SRBD1: variants seen among roughly 807,000 people sequenced by gnomAD.
SRBD1 encodes S1 RNA binding domain 1.
A neutral mutation model predicts 115.3 loss-of-function variants in SRBD1; 88 were observed. The ratio of observed to expected loss-of-function variants is 0.76; its 90% CI spans 0.64 to 0.91. SRBD1 has a LOEUF of 0.91. Among genes scored for constraint, SRBD1 ranks in the 40% least tolerant of loss-of-function variants. The probability of loss-of-function intolerance (pLI) is 0.00; values close to 1 mark genes in which losing one functional copy is unlikely to be tolerated. For missense variants in SRBD1, 1,385 were observed against 1,177.4 expected, an observed-to-expected ratio of 1.18 and a Z score of -2.58; for synonymous variants, 509 against 407.7, an observed-to-expected ratio of 1.25 and a Z score of -2.99.
chr2:45,488,735 T>C (rs1670199119), intron 14 of SRBD1, among the ~76,000 whole-genome samples: 1 of 152,180 alleles, frequency 6.6e-6, no homozygotes. Context: ...GAATGAATCA[T>C]TCTAAGGCAC....
intron 16 of SRBD1, among the ~76,000 whole-genome samples, chr2:45,425,048 G>A (rs1463013731): frequency 6.6e-6 from 1 of 152,160 alleles, no homozygotes; most frequent in East Asian, 1.9e-4. Flanking sequence ...GAATTAACGA[G>A]TTCTGTACTT....
Position 45,489,014 on chromosome 2 carries a change from C to G in SRBD1, c.1875-683G>C, listed in dbSNP as rs185546416. Among the ~76,000 whole-genome samples the G allele has an allele frequency of 9.9e-5, 15 of 152,264 alleles. No homozygotes were observed. In the East Asian group the frequency reaches 2.9e-3, roughly 29 times the overall value. ...ATCAAATAGTCACACAAATCATTCT[C>G]TTTCATTCTCTTCCTTTCTTCTTTG... is the stretch of plus-strand genomic sequence containing the variant. On this transcript the variant is annotated intron_variant, in intron 14 of 20. Transcript: ENST00000263736.
At chr2:45,428,563 T>A (rs138888094) in intron 16 of SRBD1, among the ~76,000 whole-genome samples, 2,706 of 123,590 alleles carry the variant, frequency 0.022, 93 homozygotes, top group African/African-American at 0.071. Context: ...AAAAAATAAA[T>A]AAATAAATAA....
At chr2:45,409,311 C>T (rs1667527333) in intron 19 of SRBD1, among the ~76,000 whole-genome samples, 1 of 152,010 alleles carries the variant, frequency 6.6e-6, no homozygotes, top group East Asian at 1.9e-4. Flanking sequence ...ACGTACTCCT[C>T]AGAATTATTG....
chr2:45,493,534 G>C (rs1442511741), intron 14 of SRBD1, among the ~76,000 whole-genome samples: 1 of 152,182 alleles, frequency 6.6e-6, no homozygotes, highest in Non-Finnish European at 1.5e-5. Context: ...GGTAAGGCCA[G>C]GCACGGTGGC....
Position 45,547,601 on chromosome 2 carries a change from G to C in SRBD1, c.1687C>G (p.His563Asp). The change falls in exon 13 of 21, where the codon CAT becomes GAT. Residue 563 changes from histidine (H) to aspartate (D), a missense_variant. By Grantham distance (81) the His-to-Asp change is moderately conservative. Transcript: ENST00000263736. ...AIISPTSQIL[H>D]TDVVYLHCGQ... The stretch of plus-strand genomic sequence containing the variant: ...CAATGCAAGTAAACCACATCAGTAT[G>C]AAGTATCTGACCTTTAAAAAATGAA... 1 of 1,612,928 alleles carries C rather than the reference G, an allele frequency of 6.2e-7. No homozygotes were observed. The highest frequency in any genetic ancestry group is 1.1e-5 in the South Asian group (1 of 90,922).
chr2:45,502,377 C>G (rs1251767854), intron 14 of SRBD1, among the ~76,000 whole-genome samples: 1 of 152,170 alleles, frequency 6.6e-6, no homozygotes, highest in Admixed American at 6.5e-5. Context: ...AAGACACATG[C>G]ACATGTATGT....
chr2:45,514,903 C>T (rs1671074145), intron 14 of SRBD1, among the ~76,000 whole-genome samples: 1 of 152,180 alleles, frequency 6.6e-6, no homozygotes, highest in Non-Finnish European at 1.5e-5. Context: ...ACAAAAACTC[C>T]AAGTCTATCT....
At chr2:45,603,255 A>T (rs1674157612) in intron 2 of SRBD1, among the ~76,000 whole-genome samples, 1 of 152,218 alleles carries the variant, frequency 6.6e-6, no homozygotes, top group African/African-American at 2.4e-5. Context: ...GTTGTGTTAT[A>T]CATGATATAG....
At chr2:45,492,885 GCT>G (rs1670342694) in intron 14 of SRBD1, among the ~76,000 whole-genome samples, 1 of 151,980 alleles carries the variant, frequency 6.6e-6, no homozygotes, top group Admixed American at 6.6e-5. Context: ...TAAATTACAT[GCT>G]CTTTTATGTT....
At chr2:45,459,453 A>T (rs999195275) in intron 16 of SRBD1, among the ~76,000 whole-genome samples, 1 of 151,788 alleles carries the variant, frequency 6.6e-6, no homozygotes, top group Non-Finnish European at 1.5e-5. Flanking sequence ...AAAGGAATGA[A>T]CATGCTTATA....
chr2:45,505,635 G>T (rs1372479956), intron 14 of SRBD1, among the ~76,000 whole-genome samples: 2 of 152,172 alleles, frequency 1.3e-5, no homozygotes, highest in African/African-American at 4.8e-5. Context: ...AAGTAAATAA[G>T]ATGAATCTCC....
At chr2:45,553,111 A>G (rs1672355112) in intron 11 of SRBD1, among the ~76,000 whole-genome samples, 1 of 152,174 alleles carries the variant, frequency 6.6e-6, no homozygotes, top group African/African-American at 2.4e-5. Context: ...TTTTCTTTCC[A>G]TCTTCTGTCC....
chr2:45,573,057 G>C (rs1673069702), intron 9 of SRBD1, 150 bp downstream of exon 9: 1 of 851,256 alleles, frequency 1.2e-6, no homozygotes, highest in East Asian at 3.2e-5. Flanking sequence ...TTGTGAAGCG[G>C]CAAGGATATG....
At chr2:45,597,377 G>A (rs925401719) in intron 4 of SRBD1, among the ~76,000 whole-genome samples, 2 of 150,174 alleles carry the variant, frequency 1.3e-5, no homozygotes, top group African/African-American at 2.5e-5. Context: ...CCAAGATCGC[G>A]CCACTGTACT....
intron 16 of SRBD1, among the ~76,000 whole-genome samples, chr2:45,441,401 C>T (rs1466356718): frequency 6.6e-6 from 1 of 152,234 alleles, no homozygotes; most frequent in Non-Finnish European, 1.5e-5. Context: ...ACCTGATGCA[C>T]ACAGGTGTGT....
chr2:45,521,417 A>T (rs1227600305), intron 14 of SRBD1, among the ~76,000 whole-genome samples: 1 of 151,980 alleles, frequency 6.6e-6, no homozygotes, highest in Non-Finnish European at 1.5e-5. Flanking sequence ...TCAACATCTT[A>T]GTCACTAGGG....
intron 14 of SRBD1, among the ~76,000 whole-genome samples, chr2:45,530,899 G>C (rs1251955217): frequency 6.6e-6 from 1 of 151,994 alleles, no homozygotes; most frequent in Non-Finnish European, 1.5e-5. Flanking sequence ...CTAAGAGTTC[G>C]AGATCAGCCT....
At chr2:45,488,676 T>C (rs1670196914) in intron 14 of SRBD1, among the ~76,000 whole-genome samples, 1 of 152,180 alleles carries the variant, frequency 6.6e-6, no homozygotes, top group South Asian at 2.1e-4. Flanking sequence ...GCACATAGCC[T>C]CTCCTGTATT....
Sources: allele counts gnomAD v4.1 joint callset (sites outside exome capture counted in the v4.1 genomes callset), GRCh38; gene constraint gnomAD v4.1.1; transcripts MANE v1.5; gene names NCBI Gene and HGNC (gene_info 2026-07-23, HGNC 2026-07-21).